The following TRIM40 variants were observed in gnomAD, a reference collection of about 807,000 sequenced individuals.
The protein encoded by TRIM40 is tripartite motif containing 40, also known as E3 ubiquitin ligase TRIM40.
TRIM40 carries 27 observed loss-of-function variants against 26.1 expected under a neutral mutation model. The ratio of observed to expected loss-of-function variants is 1.04; its 90% CI spans 0.76 to 1.43. TRIM40 has a LOEUF of 1.43. TRIM40 is among the 40% of genes most tolerant of loss of function. TRIM40 has a pLI of 0.00. For missense variants in TRIM40, 289 were observed against 307.9 expected, an observed-to-expected ratio of 0.94 and a Z score of 0.46; for synonymous variants, 114 against 120.0, an observed-to-expected ratio of 0.95 and a Z score of 0.33.
Position 30,136,937 on chromosome 6 carries a change from G to T in TRIM40, c.-100G>T. 8.0e-7 allele frequency: 1 copy of T among 1,243,920 alleles called. No individual in the cohort carries two copies. The allele number at this position is 1,243,920 out of a possible 1,614,324, so 77.1% of individuals were successfully genotyped here. A position where few individuals can be genotyped will look rare whatever the true frequency, so the allele number is the denominator to read the frequency against. On this transcript the variant is annotated 5_prime_UTR_variant, in exon 2 of 6. Coordinates refer to ENST00000396581, the MANE Select transcript of TRIM40 (RefSeq NM_001286633.2). ...GCTCCAGGGCTGCCTCCTTCCGACT[G>T]GGCCTTCTTATCTGGGACTGTTGAG...
At chr6:30,143,771 A>T (rs1261136512) in intron 2 of TRIM40, among the ~76,000 whole-genome samples, 1 of 152,164 alleles carries the variant, frequency 6.6e-6, no homozygotes, top group Non-Finnish European at 1.5e-5. Context: ...ATTGGTGAAA[A>T]AGTACTTTTT....
At chr6:30,138,926 G>T (rs1771171026) in intron 2 of TRIM40, among the ~76,000 whole-genome samples, 2 of 152,204 alleles carry the variant, frequency 1.3e-5, no homozygotes, top group Admixed American at 6.5e-5. Flanking sequence ...CAGAGGCAAA[G>T]TTCTATTTGG....
intron 2 of TRIM40, among the ~76,000 whole-genome samples, chr6:30,141,301 C>G (rs1771328999): frequency 6.6e-6 from 1 of 152,096 alleles, no homozygotes; most frequent in South Asian, 2.1e-4. Context: ...TGCACTGCAG[C>G]CAGGAAGACA....
Position 30,136,900 on chromosome 6 carries a change from T to C in TRIM40, c.-137T>C. ...TTGCCTGAACTTGGAGGCTGTGTCC[T>C]GTCCCCAGGCTGCTCCAGGGCTGCC... is the stretch of plus-strand genomic sequence containing the variant. On this transcript the variant is annotated 5_prime_UTR_variant, in exon 2 of 6. Coordinates refer to ENST00000396581, the MANE Select transcript of TRIM40 (RefSeq NM_001286633.2). 1 of 802,018 alleles carries C rather than the reference T, an allele frequency of 1.2e-6. No individual in the cohort carries two copies. The highest frequency in any genetic ancestry group is 1.9e-6 in the Non-Finnish European group (1 of 517,570). 49.7% of individuals were successfully genotyped at this position (802,018 alleles called of 1,614,324 possible). A position where few individuals can be genotyped will look rare whatever the true frequency, so the allele number is the denominator to read the frequency against.
At chr6:30,137,449 T>A in intron 2 of TRIM40, 68 bp downstream of exon 2, 1 of 1,384,668 alleles carries the variant, frequency 7.2e-7, no homozygotes, top group Non-Finnish European at 1.0e-6. Flanking sequence ...TACATGTTCA[T>A]CATGCCTGGC....
At chr6:30,147,421 G>T in intron 4 of TRIM40, 99 bp from the exon 5 acceptor site, 1 of 1,572,804 alleles carries the variant, frequency 6.4e-7, no homozygotes, top group Non-Finnish European at 8.7e-7. Context: ...TTCTCAAGGT[G>T]GCACCCCAGA....
At position 30,145,984 on chromosome 6, in the gene TRIM40, G is replaced by A; in HGVS notation, c.346-10G>A. 2 of 1,612,422 alleles carry A rather than the reference G, an allele frequency of 1.2e-6. No homozygotes were observed. The highest frequency in any genetic ancestry group is 1.7e-6 in the Non-Finnish European group (2 of 1,179,554). ...CCCAGTCTGACAAGCAGGTGTGTCT[G>A]TCTCTTTAGGAACGACTCAATCGCC... On this transcript the variant is annotated splice_polypyrimidine_tract_variant and intron_variant, in intron 2 of 5. Coordinates refer to ENST00000396581, the MANE Select transcript of TRIM40 (RefSeq NM_001286633.2).
At chr6:30,141,438 TA>T (rs1771338134) in intron 2 of TRIM40, among the ~76,000 whole-genome samples, 12 of 152,310 alleles carry the variant, frequency 7.9e-5, no homozygotes, top group Admixed American at 5.2e-4. Flanking sequence ...GGCCGTCATT[TA>T]GATGTAGGCA....
Position 30,137,140 on chromosome 6 carries a change from G to A in TRIM40, c.104G>A (p.Arg35Gln), listed in dbSNP as rs766862389. 23 of 1,612,958 alleles carry A rather than the reference G, an allele frequency of 1.4e-5. No individual in the cohort carries two copies. The East Asian group carries it at 2.2e-4, about 16-fold the overall frequency. Residue 35 changes from arginine (R) to glutamine (Q), a missense_variant, in exon 2 of 6, where the codon CGA (arginine) becomes CAA (glutamine). Arg to Gln is a conservative substitution (Grantham distance 43). Coordinates refer to ENST00000396581, the MANE Select transcript of TRIM40 (RefSeq NM_001286633.2). The stretch of plus-strand genomic sequence containing the variant: ...ACCAACTGCGGACATCTCTTCTGTC[G>A]AGTGTGCCTGACACAGCATGTGGAG... ...VSTNCGHLFC[R>Q]VCLTQHVEKA...
At position 30,137,036 on chromosome 6, in the gene TRIM40, C is replaced by T; in HGVS notation, c.-1C>T. ...GAGGCTGACAGGGTAGGAACGAGGCCATGATCCCTTTGCAGAAGGACAACC... is the reference window on the plus strand; with the variant it reads ...GAGGCTGACAGGGTAGGAACGAGGCTATGATCCCTTTGCAGAAGGACAACC... On this transcript the variant is annotated 5_prime_UTR_variant, in exon 2 of 6. Transcript: ENST00000396581. 2.5e-6 allele frequency: 4 copies of T among 1,612,090 alleles called. No homozygotes were observed. Among genetic ancestry groups the T allele is most frequent in the Non-Finnish European group, 3.4e-6 (4 of 1,179,478 alleles).
chr6:30,147,242 G>T, intron 4 of TRIM40, 33 bp downstream of exon 4: 1 of 1,611,248 alleles, frequency 6.2e-7, no homozygotes, highest in South Asian at 1.1e-5. Flanking sequence ...CAAGGGCTGG[G>T]ATTCTCCCCG....
At chr6:30,138,759 A>G (rs1009886440) in intron 2 of TRIM40, among the ~76,000 whole-genome samples, 1 of 152,242 alleles carries the variant, frequency 6.6e-6, no homozygotes, top group Non-Finnish European at 1.5e-5. Context: ...ATATTTTCAC[A>G]TGGCATCCTT....
chr6:30,139,028 T>C (rs1771177675), intron 2 of TRIM40, among the ~76,000 whole-genome samples: 2 of 152,250 alleles, frequency 1.3e-5, no homozygotes, highest in African/African-American at 4.8e-5. Context: ...TGGAGAAATT[T>C]ATTTCCTCAC....
chr6:30,144,618 G>T (rs988223761), intron 2 of TRIM40, among the ~76,000 whole-genome samples: 1 of 152,338 alleles, frequency 6.6e-6, no homozygotes, highest in East Asian at 1.9e-4. Context: ...GAAGGATGGG[G>T]TGGAGAGGAG....
intron 3 of TRIM40, among the ~76,000 whole-genome samples, chr6:30,146,688 G>C (rs1771682154): frequency 6.6e-6 from 1 of 152,336 alleles, no homozygotes; most frequent in East Asian, 1.9e-4. Context: ...TGGGATTACA[G>C]GTGTGAGCCA....
intron 2 of TRIM40, among the ~76,000 whole-genome samples, chr6:30,139,339 CTTT>C (rs9278591): frequency 7.7e-5 from 6 of 77,858 alleles, no homozygotes; most frequent in Non-Finnish European, 8.6e-5. Context: ...ACTTTTTTTT[CTTT>C]TTTTTTTTTT....
intron 3 of TRIM40, among the ~76,000 whole-genome samples, chr6:30,146,297 A>G (rs3815081): frequency 0.14 from 20,688 of 152,268 alleles, 1,867 homozygotes; most frequent in East Asian, 0.32. Context: ...TGTGACTTAC[A>G]TGTTAAATGA....
rs1408472759 is a variant in TRIM40, at chr6:30,147,044, C to T, written c.501C>T (p.Thr167=). The change falls in exon 4 of 6, where the codon ACC becomes ACT. Residue 167 remains threonine, a synonymous_variant. Transcript: ENST00000396581. ...LEAGPESQHQ[T]REQLGALPQQ... is the part of the protein sequence containing the mutation. ...CTGGGCCGGAGAGCCAGCACCAAACCAGGGAACAGCTGGGTGCCCTCCCTC... is the reference window on the plus strand; with the variant it reads ...CTGGGCCGGAGAGCCAGCACCAAACTAGGGAACAGCTGGGTGCCCTCCCTC... 1 of 1,613,318 alleles carries T rather than the reference C, an allele frequency of 6.2e-7. No individual in the cohort carries two copies. The highest frequency in any genetic ancestry group is 8.5e-7 in the Non-Finnish European group (1 of 1,179,686).
rs760838031 is a variant in TRIM40 at position 30,146,009 on chromosome 6, C to A, written c.361C>A (p.Arg121=). 6 of 1,613,022 alleles carry A rather than the reference C, an allele frequency of 3.7e-6. No homozygotes were observed. Among genetic ancestry groups the A allele is most frequent in the Non-Finnish European group, 3.4e-6 (4 of 1,180,010 alleles). The change falls in exon 3 of 6, where the codon CGG becomes AGG. Residue 121 remains arginine (R), a synonymous_variant. Coordinates refer to ENST00000396581, the MANE Select transcript of TRIM40 (RefSeq NM_001286633.2). ...GTCTCTTTAGGAACGACTCAATCGC[C>A]GGAGCAGGAAGCTCAGAAAGGACAT... ...LSHYKERLNR[R]SRKLRKDIAE...
Sources: allele counts gnomAD v4.1 joint callset (sites outside exome capture counted in the v4.1 genomes callset), GRCh38; gene constraint gnomAD v4.1.1; transcripts MANE v1.5; gene names NCBI Gene and HGNC (gene_info 2026-07-23, HGNC 2026-07-21).